The following TAS2R1 variants were observed in gnomAD, a reference collection of about 807,000 sequenced individuals.
TAS2R1 encodes the protein taste receptor type 2 member 1.
For synonymous variants in TAS2R1, 141 were observed against 134.2 expected (o/e 1.05, Z -0.35); for missense variants, 370 against 353.4 (o/e 1.05, Z -0.38).
the TAS2R1 span, among the ~76,000 whole-genome samples, chr5:9,869,769 T>A: frequency 6.6e-6 from 1 of 152,262 alleles, no homozygotes; most frequent in Non-Finnish European, 1.5e-5. Flanking sequence ...GCCTTTTCTC[T>A]TTGCTAATTG....
At chr5:9,828,958 G>C in the TAS2R1 span, among the ~76,000 whole-genome samples, 16,469 of 152,228 alleles carry the variant, frequency 0.11, 966 homozygotes, top group Non-Finnish European at 0.13. Context: ...GATCTACTGG[G>C]TATATGGACT....
chr5:9,691,693 C>G (rs2126518244), intron 1 of TAS2R1, among the ~76,000 whole-genome samples: 1 of 152,348 alleles, frequency 6.6e-6, no homozygotes, highest in East Asian at 1.9e-4. Context: ...CAGGTGGGGC[C>G]TGTGTTCCAG....
chr5:9,667,341 C>T (rs1740655245), intron 1 of TAS2R1, among the ~76,000 whole-genome samples: 1 of 152,170 alleles, frequency 6.6e-6, no homozygotes, highest in Non-Finnish European at 1.5e-5. Flanking sequence ...GAGGCTCTAC[C>T]TCTGCCTGAA....
At chr5:9,685,280 C>A (rs1342420932) in intron 1 of TAS2R1, among the ~76,000 whole-genome samples, 3 of 152,022 alleles carry the variant, frequency 2.0e-5, no homozygotes, top group African/African-American at 7.2e-5. Context: ...AAAATATGAA[C>A]TTTTGCTCTT....
the TAS2R1 span, among the ~76,000 whole-genome samples, chr5:9,880,392 G>A: frequency 6.6e-6 from 1 of 152,116 alleles, no homozygotes; most frequent in South Asian, 2.1e-4. Flanking sequence ...TAGGAGAATA[G>A]CTGGGCCATA....
intron 2 of TAS2R1, among the ~76,000 whole-genome samples, chr5:9,658,035 T>C (rs1006568131): frequency 6.6e-6 from 1 of 152,016 alleles, no homozygotes; most frequent in African/African-American, 2.4e-5. Flanking sequence ...AATCCAGGGC[T>C]CCTCCCCTTC....
chr5:9,642,742 A>C (rs1740111902), intron 2 of TAS2R1, among the ~76,000 whole-genome samples: 1 of 152,196 alleles, frequency 6.6e-6, no homozygotes. Flanking sequence ...GAGCAATGCA[A>C]TACATTGAAT....
the TAS2R1 span, among the ~76,000 whole-genome samples, chr5:9,780,198 G>A: frequency 6.6e-6 from 1 of 151,908 alleles, no homozygotes; most frequent in Admixed American, 6.5e-5. Context: ...TACCTGACCT[G>A]CAGCTCTCTG....
chr5:9,861,037 G>GTTTTTTTCTTT, the TAS2R1 span, among the ~76,000 whole-genome samples: 2 of 88,612 alleles, frequency 2.3e-5, no homozygotes, highest in African/African-American at 4.3e-5. Context: ...GGAAGATGAG[G>GTTTTTTTCTTT]TTTTTTTTTT....
intron 1 of TAS2R1, among the ~76,000 whole-genome samples, chr5:9,710,323 T>C (rs1467573704): frequency 2.6e-5 from 4 of 152,258 alleles, no homozygotes; most frequent in Admixed American, 2.6e-4. Context: ...GAGGATTGGC[T>C]GTCTCCTTTA....
chr5:9,838,239 G>C, the TAS2R1 span, among the ~76,000 whole-genome samples: 1 of 152,120 alleles, frequency 6.6e-6, no homozygotes, highest in Admixed American at 6.5e-5. Context: ...GGAATCTTTT[G>C]GTGCTCTGCT....
rs1397165131 is a variant in TAS2R1 at position 9,628,330 on chromosome 5, T to A, written c.*803A>T. The stretch of plus-strand genomic sequence containing the variant: ...AAATTACCACTCTGGGTTGAAAGGG[T>A]CTCAAAGTCAGGCACACAAATACAA... On this transcript the variant is annotated 3_prime_UTR_variant, in exon 1 of 1. Transcript: ENST00000382492. Among the ~76,000 whole-genome samples the A allele has an allele frequency of 1.3e-5, 2 of 151,866 alleles. No individual in the cohort carries two copies. Among genetic ancestry groups the A allele is most frequent in the Admixed American group, 6.6e-5 (1 of 15,236 alleles).
At chr5:9,694,129 T>G (rs903576914) in intron 1 of TAS2R1, among the ~76,000 whole-genome samples, 1 of 152,062 alleles carries the variant, frequency 6.6e-6, no homozygotes, top group Non-Finnish European at 1.5e-5. Context: ...ACTAATTAGG[T>G]CCCCTTTGCC....
chr5:9,777,877 GTT>G, the TAS2R1 span, among the ~76,000 whole-genome samples: 2 of 142,898 alleles, frequency 1.4e-5, no homozygotes, highest in African/African-American at 2.6e-5. Flanking sequence ...GAGGCCAGGT[GTT>G]TTTTTTTTTT....
At chr5:9,648,379 T>A (rs1309542621) in intron 2 of TAS2R1, among the ~76,000 whole-genome samples, 1 of 152,088 alleles carries the variant, frequency 6.6e-6, no homozygotes, top group Admixed American at 6.6e-5. Context: ...ATTGACAATA[T>A]AACAGATCTG....
the TAS2R1 span, among the ~76,000 whole-genome samples, chr5:9,777,974 G>A: frequency 3.7e-3 from 558 of 150,624 alleles, no homozygotes; most frequent in Non-Finnish European, 6.2e-3. Context: ...TCCGCTTCCC[G>A]GGTTCACGCC....
At chr5:9,692,946 A>C (rs946717067) in intron 1 of TAS2R1, among the ~76,000 whole-genome samples, 10 of 151,982 alleles carry the variant, frequency 6.6e-5, no homozygotes, top group Admixed American at 2.0e-4. Flanking sequence ...CATTTGGTTT[A>C]TCTCTCTCTA....
chr5:9,781,490 C>G, the TAS2R1 span, among the ~76,000 whole-genome samples: 2 of 152,206 alleles, frequency 1.3e-5, no homozygotes, highest in African/African-American at 2.4e-5. Context: ...TAATCTGTAA[C>G]TGAGACAAGC....
chr5:9,888,582 C>T, the TAS2R1 span, among the ~76,000 whole-genome samples: 1 of 152,160 alleles, frequency 6.6e-6, no homozygotes, highest in South Asian at 2.1e-4. Flanking sequence ...ACAGGGTGGA[C>T]CCAAAGCTGT....
Sources: gnomAD v4.1 joint callset for allele counts (sites outside exome capture counted in the v4.1 genomes callset) on GRCh38, gnomAD v4.1.1 for gene constraint, MANE v1.5 for transcripts, NCBI Gene and HGNC (gene_info 2026-07-23, HGNC 2026-07-21) for gene names.